The following ATP8B2 variants were observed in gnomAD, a reference collection of about 807,000 sequenced individuals.
ATP8B2 encodes ATPase phospholipid transporting 8B2, also known as phospholipid-transporting ATPase ID.
In ATP8B2, 70 loss-of-function variants were observed where a neutral mutation model predicts 133.4. That is an observed-to-expected ratio of 0.52 (90% CI 0.43 to 0.64). ATP8B2 has a LOEUF of 0.64. Ranked by LOEUF, ATP8B2 falls within the 30% of genes least tolerant of loss-of-function variation. ATP8B2 has a pLI of 0.00. For missense variants in ATP8B2, 1,101 were observed against 1,535.7 expected (o/e 0.72, Z 4.73); for synonymous variants, 517 against 589.5 (o/e 0.88, Z 1.78).
At position 154,334,122 on chromosome 1, in the gene ATP8B2, A is replaced by C. The variant is rs1686095606; in HGVS notation, c.605A>C (p.Glu202Ala). 1 of 1,614,050 alleles carries C rather than the reference A, an allele frequency of 6.2e-7. No individual in the cohort carries two copies. The highest frequency in any genetic ancestry group is 8.5e-7 in the Non-Finnish European group (1 of 1,180,030). The change falls in exon 10 of 28, where the codon GAA (glutamate) becomes GCA (alanine). Residue 202 changes from glutamate (E) to alanine (A), a missense_variant. Glu to Ala is a moderately radical substitution (Grantham distance 107, BLOSUM62 -1). Coordinates refer to ENST00000368489, the MANE Select transcript of ATP8B2 (RefSeq NM_001370597.1). This position sits in a 1 kb window ranked among gnomAD's most constrained non-coding sequence, Gnocchi z 4.6. ...LAKFDGEVIC[E>A]PPNNKLDKFS... ...TCCTGTTCAGGTGAAGTGATCTGTG[A>C]ACCTCCCAACAACAAACTGGACAAA...
chr1:154,333,896 A>G (rs746357017), intron 9 of ATP8B2, among the ~76,000 whole-genome samples: 16 of 152,076 alleles, frequency 1.1e-4, no homozygotes, highest in Non-Finnish European at 2.2e-4. Flanking sequence ...TAGCCTCCCA[A>G]AGTGCTGGGA....
At chr1:154,337,778 T>A in intron 12 of ATP8B2, 2 of 1,441,526 alleles carry the variant, frequency 1.4e-6, no homozygotes, top group Non-Finnish European at 1.8e-6. Flanking sequence ...TCAGCACCTA[T>A]TTATTACATG....
intron 8 of ATP8B2, 27 bp from the exon 9 acceptor site, chr1:154,332,591 G>C: frequency 6.5e-7 from 1 of 1,540,624 alleles, no homozygotes. Context: ...AGGAGGGAGC[G>C]GGGACTCAGA....
intron 1 of ATP8B2, among the ~76,000 whole-genome samples, chr1:154,327,474 C>G (rs1294125904): frequency 1.3e-5 from 2 of 152,128 alleles, no homozygotes; most frequent in African/African-American, 4.8e-5. Context: ...TGGGAAGACC[C>G]CTCTGCCAGC....
rs1685760432 is a variant in ATP8B2, at chr1:154,325,656, G to C, written c.-84G>C. 6.6e-6 allele frequency: 1 copy of C among 152,002 alleles called. No individual in the cohort carries two copies. Among genetic ancestry groups the C allele is most frequent in the Non-Finnish European group, 1.5e-5 (1 of 68,016 alleles). The allele number at this position is 152,002 out of a possible 1,614,324, so 9.4% of individuals were successfully genotyped here. ...CGCCCCCCGCCCCAGCCCCCGGCAT[G>C]GGCAGTACGGGGCCGCCGGGGCGGG... On this transcript the variant is annotated 5_prime_UTR_variant, in exon 1 of 28. The change abolishes an upstream ATG in the 5' untranslated region. Coordinates refer to ENST00000368489, the MANE Select transcript of ATP8B2 (RefSeq NM_001370597.1).
At chr1:154,339,281 A>T (rs1318560659) in intron 12 of ATP8B2, among the ~76,000 whole-genome samples, 1 of 152,192 alleles carries the variant, frequency 6.6e-6, no homozygotes, top group South Asian at 2.1e-4. Flanking sequence ...CTGCCTCCTC[A>T]CTGGCCATGT....
chr1:154,333,985 G>A, intron 9 of ATP8B2, 122 bp from the exon 10 acceptor site: 2 of 1,191,866 alleles, frequency 1.7e-6, no homozygotes, highest in South Asian at 1.4e-5. Flanking sequence ...CCTCCCAGCA[G>A]CATATGGATG....
intron 1 of ATP8B2, among the ~76,000 whole-genome samples, chr1:154,326,767 T>G (rs1685806437): frequency 6.6e-6 from 1 of 152,180 alleles, no homozygotes; most frequent in South Asian, 2.1e-4. Flanking sequence ...CTGATAGTGT[T>G]TCTTGATCCC....
In ATP8B2 at chr1:154,332,396, A is replaced by T. The variant is rs534178471; in HGVS notation, c.510-222A>T. 8.5e-5 allele frequency among the ~76,000 whole-genome samples: 13 copies of T among 152,254 alleles called. No individual in the cohort carries two copies. In the South Asian group the frequency reaches 2.5e-3, roughly 29 times the overall value. On this transcript the variant is annotated intron_variant, in intron 8 of 27. Coordinates refer to ENST00000368489, the MANE Select transcript of ATP8B2 (RefSeq NM_001370597.1). ...AAAACAAACAAACAAAAAATTTAAAAAGTTTAAAACTTAGCTGGGTATGGT... is the reference window on the plus strand; with the variant it reads ...AAAACAAACAAACAAAAAATTTAAATAGTTTAAAACTTAGCTGGGTATGGT...
Position 154,348,915 on chromosome 1 carries a change from T to C in ATP8B2, c.3370T>C (p.Ser1124Pro), listed in dbSNP as rs201482461. 67 of 1,613,772 alleles carry C rather than the reference T, an allele frequency of 4.2e-5. No homozygotes were observed. Among genetic ancestry groups the C allele is most frequent in the Non-Finnish European group, 5.3e-5 (63 of 1,179,902 alleles). The change falls in exon 28 of 28, where the codon TCC becomes CCC. Residue 1124 changes from serine (S) to proline (P), a missense_variant. Transcript: ENST00000368489. ...CATGCGGCGGGTTGGCCGCACTGGC[T>C]CCCGGCGCTCCGGCTATGCCTTCTC... is the stretch of plus-strand genomic sequence containing the variant. ...RCMRRVGRTGSRRSGYAFSHQ... is the reference protein window; with the variant it reads ...RCMRRVGRTGPRRSGYAFSHQ...
Position 154,346,586 on chromosome 1 carries a change from CGT to C in ATP8B2, c.3025-32_3025-31del. On this transcript the variant is annotated intron_variant, in intron 25 of 27. Coordinates refer to ENST00000368489, the MANE Select transcript of ATP8B2 (RefSeq NM_001370597.1). This position sits in a 1 kb window ranked among gnomAD's most constrained non-coding sequence, Gnocchi z 4.5. ...TTTCTGGGGGAAGGGGCTTTTAGGGCGTGCGCCTGCCTGACTATGCCTACTTT... is the reference window on the plus strand; with the variant it reads ...TTTCTGGGGGAAGGGGCTTTTAGGGCGCGCCTGCCTGACTATGCCTACTTT... 6.2e-7 allele frequency: 1 copy of C among 1,613,486 alleles called. No homozygotes were observed. The highest frequency in any genetic ancestry group is 8.5e-7 in the Non-Finnish European group (1 of 1,179,616).
In ATP8B2 at chr1:154,346,976, G is replaced by C. The variant is rs1686606706; in HGVS notation, c.3163+218G>C. On this transcript the variant is annotated intron_variant, in intron 26 of 27. Coordinates refer to ENST00000368489, the MANE Select transcript of ATP8B2 (RefSeq NM_001370597.1). The surrounding 1 kb of genome is among the most constrained non-coding windows in gnomAD (Gnocchi z 4.5). Reference sequence around the variant, plus strand: ...CAGCCTTCGACTCACTGCAGCCTCTGCCTCCCGGGTTCAAGCGATTCTCAT... The same window carrying C: ...CAGCCTTCGACTCACTGCAGCCTCTCCCTCCCGGGTTCAAGCGATTCTCAT... Among the ~76,000 whole-genome samples the C allele has an allele frequency of 6.6e-6, 1 of 152,112 alleles. No individual in the cohort carries two copies. Among genetic ancestry groups the C allele is most frequent in the African/African-American group, 2.4e-5 (1 of 41,422 alleles).
At position 154,348,878 on chromosome 1, in the gene ATP8B2, C is replaced by T; in HGVS notation, c.3333C>T (p.Ala1111=). 6.2e-7 allele frequency: 1 copy of T among 1,612,694 alleles called. No individual in the cohort carries two copies. Among genetic ancestry groups the T allele is most frequent in the Non-Finnish European group, 8.5e-7 (1 of 1,179,052 alleles). The change falls in exon 28 of 28, where the codon GCC becomes GCT. Residue 1111 remains alanine, a synonymous_variant. Coordinates refer to ENST00000368489, the MANE Select transcript of ATP8B2 (RefSeq NM_001370597.1). ...AGCTCGTGAGGAAGAAGCAGAAGGC[C>T]CAGCACCGCTGCATGCGGCGGGTTG... The part of the protein sequence containing the change: ...YTQLVRKKQK[A]QHRCMRRVGR...
chr1:154,337,208 C>T lies in ATP8B2; in HGVS notation c.838-140C>T. 3 of 894,828 alleles carry T rather than the reference C, an allele frequency of 3.4e-6. No individual in the cohort carries two copies. The South Asian group carries it at 5.3e-5, about 16-fold the overall frequency. 55.4% of individuals were successfully genotyped at this position (894,828 alleles called of 1,614,324 possible). A position where few individuals can be genotyped will look rare whatever the true frequency, so the allele number is the denominator to read the frequency against. On this transcript the variant is annotated intron_variant, in intron 11 of 27. Coordinates refer to ENST00000368489, the MANE Select transcript of ATP8B2 (RefSeq NM_001370597.1). ...TGAATCTGTGTTGGGCCACATGTGG[C>T]CCAGAGACCATGGGTTGGACAAGCT... is the stretch of plus-strand genomic sequence containing the variant.
At chr1:154,337,604 T>A (rs748194055) in intron 12 of ATP8B2, 60 bp downstream of exon 12, 10 of 1,614,178 alleles carry the variant, frequency 6.2e-6, no homozygotes, top group Non-Finnish European at 8.5e-6. Flanking sequence ...ATAGAACTTT[T>A]CTTTTCTATG....
At chr1:154,337,942 C>T (rs1686246523) in intron 12 of ATP8B2, 1 of 388,298 alleles carries the variant, frequency 2.6e-6, no homozygotes, top group Admixed American at 4.5e-5. Context: ...TAGAATTCGA[C>T]CTAGAGTCTT....
At chr1:154,335,306 C>T (rs1686140621) in intron 11 of ATP8B2, among the ~76,000 whole-genome samples, 1 of 152,202 alleles carries the variant, frequency 6.6e-6, no homozygotes, top group Non-Finnish European at 1.5e-5. Flanking sequence ...ACAGCGGAGG[C>T]AGCTTTGGAA....
rs1686558878 is a variant in ATP8B2 at position 154,345,695 on chromosome 1, C to T, written c.2695-105C>T. On this transcript the variant is annotated intron_variant, in intron 23 of 27. Coordinates refer to ENST00000368489, the MANE Select transcript of ATP8B2 (RefSeq NM_001370597.1). The surrounding 1 kb of genome is among the most constrained non-coding windows in gnomAD (Gnocchi z 5.6). ...TATTAAAGGAGGAGAGAAGGAGCCT[C>T]AGAAAATTTCTTAGGGTTCTCTGTA... 3 of 1,346,458 alleles carry T rather than the reference C, an allele frequency of 2.2e-6. No individual in the cohort carries two copies. Among genetic ancestry groups the T allele is most frequent in the Non-Finnish European group, 2.1e-6 (2 of 950,092 alleles). 83.4% of individuals were successfully genotyped at this position (1,346,458 alleles called of 1,614,324 possible). A position where few individuals can be genotyped will look rare whatever the true frequency, so the allele number is the denominator to read the frequency against.
At position 154,351,246 on chromosome 1, in the gene ATP8B2, A is replaced by G. The variant is rs903786878; in HGVS notation, c.*2128A>G. ...ATGACACATTTCTATACTTGCAAAA[A>G]TTATATCATTTTATGGATATAAGAG... On this transcript the variant is annotated 3_prime_UTR_variant, in exon 28 of 28. Transcript: ENST00000368489. 1 of 152,494 alleles carries G rather than the reference A, an allele frequency of 6.6e-6. No individual in the cohort carries two copies. The highest frequency in any genetic ancestry group is 6.6e-5 in the Admixed American group (1 of 15,254). 9.4% of individuals were successfully genotyped at this position (152,494 alleles called of 1,614,324 possible). A position where few individuals can be genotyped will look rare whatever the true frequency, so the allele number is the denominator to read the frequency against.
Sources: gnomAD v4.1 joint callset for allele counts (sites outside exome capture counted in the v4.1 genomes callset) on GRCh38, gnomAD v4.1.1 for gene constraint, Gnocchi (gnomAD v3.1) non-coding constraint, MANE v1.5 for transcripts, NCBI Gene and HGNC (gene_info 2026-07-23, HGNC 2026-07-21) for gene names.